Variants in MAOB observed in about 807,000 individuals in gnomAD.
The protein encoded by MAOB is monoamine oxidase B.
A neutral mutation model predicts 41.9 loss-of-function variants in MAOB; 15 were observed. That is an observed-to-expected ratio of 0.36 (90% CI 0.24 to 0.55). The LOEUF is 0.55. Ranked by LOEUF, MAOB falls within the 20% of genes least tolerant of loss-of-function variation. The pLI, the probability that MAOB is intolerant of heterozygous loss-of-function variation, is 0.86. For synonymous variants in MAOB, 167 were observed against 144.2 expected, an observed-to-expected ratio of 1.16 and a Z score of -1.13; for missense variants, 345 against 398.7, an observed-to-expected ratio of 0.87 and a Z score of 1.15.
intron 12 of MAOB, among the ~76,000 whole-genome samples, chrX:43,772,735 G>C (rs951070791): frequency 1.8e-5 from 2 of 111,538 alleles, no homozygotes; most frequent in African/African-American, 6.5e-5. Context: ...GTGGGGCCTG[G>C]TGGGAGGTGT....
intron 2 of MAOB, among the ~76,000 whole-genome samples, chrX:43,839,450 T>C (rs2035107976): frequency 1.8e-5 from 2 of 112,364 alleles, no homozygotes; most frequent in South Asian, 7.4e-4. Context: ...TGGTCATAAT[T>C]TGGACTTTGA....
At chrX:43,848,103 G>C (rs141958797) in intron 1 of MAOB, among the ~76,000 whole-genome samples, 2,017 of 111,828 alleles carry the variant, frequency 0.018, 35 homozygotes, top group Admixed American at 0.072. Context: ...TGCACTTTTA[G>C]TTTTTTGCCA....
At chrX:43,861,239 C>A (rs2035330189) in intron 1 of MAOB, among the ~76,000 whole-genome samples, 1 of 112,552 alleles carries the variant, frequency 8.9e-6, no homozygotes, top group African/African-American at 3.2e-5. Context: ...GGAAAGAATT[C>A]AGACGAGTCA....
intron 3 of MAOB, among the ~76,000 whole-genome samples, chrX:43,834,780 C>T (rs2035054501): frequency 8.9e-6 from 1 of 112,294 alleles, no homozygotes; most frequent in Admixed American, 9.4e-5. Flanking sequence ...TGACCATATG[C>T]AATGCAAAAA....
chrX:43,804,823 C>CAG (rs2034641632), intron 3 of MAOB, among the ~76,000 whole-genome samples: 1 of 111,666 alleles, frequency 9.0e-6, no homozygotes, highest in Non-Finnish European at 1.9e-5. Context: ...TGCTCAAAGT[C>CAG]TACTGATTTA....
chrX:43,836,021 G>A (rs1036599258), intron 3 of MAOB, among the ~76,000 whole-genome samples: 2 of 111,685 alleles, frequency 1.8e-5, no homozygotes, highest in African/African-American at 6.5e-5. Flanking sequence ...TTCAGATTAA[G>A]AAATACATGC....
At chrX:43,815,886 A>C (rs1409559187) in intron 3 of MAOB, among the ~76,000 whole-genome samples, 2 of 112,305 alleles carry the variant, frequency 1.8e-5, no homozygotes, top group Non-Finnish European at 3.8e-5. Context: ...CCAAACACAT[A>C]CACGAAAATG....
intron 1 of MAOB, among the ~76,000 whole-genome samples, chrX:43,848,945 C>A (rs1009578471): frequency 2.7e-5 from 3 of 112,264 alleles, no homozygotes; most frequent in Non-Finnish European, 5.6e-5. Context: ...AACTGGAATT[C>A]TCTGATTTCT....
At chrX:43,809,650 A>G (rs939146622) in intron 3 of MAOB, among the ~76,000 whole-genome samples, 6 of 111,987 alleles carry the variant, frequency 5.4e-5, no homozygotes, top group Non-Finnish European at 7.5e-5. Context: ...AATCTGAGGC[A>G]AGAGTTTTGT....
chrX:43,852,070 C>T (rs1044711773), intron 1 of MAOB, among the ~76,000 whole-genome samples: 4 of 112,002 alleles, frequency 3.6e-5, no homozygotes, highest in East Asian at 2.8e-4. Flanking sequence ...CAAAAGGCCA[C>T]CTCCTGGCTG....
chrX:43,871,580 T>C (rs1430035289), intron 1 of MAOB, among the ~76,000 whole-genome samples: 1 of 102,275 alleles, frequency 9.8e-6, no homozygotes, highest in African/African-American at 3.6e-5. Flanking sequence ...TCCTTCTGCT[T>C]GGTGTACCCC....
intron 3 of MAOB, among the ~76,000 whole-genome samples, chrX:43,805,093 A>G (rs2034645720): frequency 8.9e-6 from 1 of 111,798 alleles, no homozygotes; most frequent in Admixed American, 9.5e-5. Context: ...TGAAATATGT[A>G]TACCCTGTGG....
chrX:43,794,993 T>C (rs1200182668), intron 7 of MAOB, among the ~76,000 whole-genome samples: 1 of 110,442 alleles, frequency 9.1e-6, no homozygotes, highest in Non-Finnish European at 1.9e-5. Context: ...GGAGTGGTTT[T>C]TCCCCACATA....
chrX:43,878,104 C>T (rs756964896), intron 1 of MAOB, among the ~76,000 whole-genome samples: 13 of 111,569 alleles, frequency 1.2e-4, no homozygotes, highest in African/African-American at 3.9e-4. Flanking sequence ...AACAAGCCGG[C>T]CAGGAAGGCA....
chrX:43,801,755 C>T (rs755022988), intron 5 of MAOB, among the ~76,000 whole-genome samples: 2 of 113,090 alleles, frequency 1.8e-5, no homozygotes, highest in African/African-American at 3.2e-5. Flanking sequence ...TCTTTAAGTC[C>T]TTGAAGAATT....
chrX:43,859,109 G>A (rs1190653094), intron 1 of MAOB, among the ~76,000 whole-genome samples: 1 of 111,422 alleles, frequency 9.0e-6, no homozygotes, highest in Admixed American at 9.6e-5. Context: ...CTAGTGCAAA[G>A]ATTTAGAGAA....
At chrX:43,868,380 A>G (rs543052952) in intron 1 of MAOB, among the ~76,000 whole-genome samples, 1 of 111,845 alleles carries the variant, frequency 8.9e-6, no homozygotes, top group Middle Eastern at 4.7e-3. Flanking sequence ...AGACCTGTCC[A>G]CTGGAAGCTC....
chrX:43,871,208 G>A (rs1453828340), intron 1 of MAOB, among the ~76,000 whole-genome samples: 1 of 111,466 alleles, frequency 9.0e-6, no homozygotes, highest in Non-Finnish European at 1.9e-5. Context: ...AGTCAAGGGT[G>A]ACTTTCAGAG....
rs187427594 is a variant in MAOB at position 43,873,049 on chromosome X, T to C, written c.46+9205A>G. On this transcript the variant is annotated intron_variant, in intron 1 of 14. Transcript: ENST00000378069. ...ATCAGTGGCCTTTCTTCTTACCAAA[T>C]GTTTGAAGTAATTTTGGTTATTAAC... 4.9e-3 allele frequency among the ~76,000 whole-genome samples: 553 copies of C among 112,510 alleles called. 4 individuals are homozygous for C. Among genetic ancestry groups the C allele is most frequent in the African/African-American group, 0.017 (514 of 31,012 alleles).
Sources: allele counts gnomAD v4.1 joint callset (sites outside exome capture counted in the v4.1 genomes callset), GRCh38; gene constraint gnomAD v4.1.1; transcripts MANE v1.5; gene names NCBI Gene and HGNC (gene_info 2026-07-23, HGNC 2026-07-21).